The following BRINP1 variants were observed in gnomAD, a reference collection of about 807,000 sequenced individuals.
The protein encoded by BRINP1 is BMP/retinoic acid inducible neural specific 1.
Under a neutral mutation model 72.9 loss-of-function variants are expected in BRINP1, and 17 were observed. That is an observed-to-expected ratio of 0.23 (90% CI 0.16 to 0.35). The LOEUF is 0.35. Ranked by LOEUF, BRINP1 falls within the 10% of genes least tolerant of loss-of-function variation. The pLI is 1.00. For synonymous variants in BRINP1, 418 were observed against 378.5 expected (o/e 1.10, Z -1.21); for missense variants, 850 against 1,001.6 (o/e 0.85, Z 2.04).
At chr9:119,362,313 A>C (rs1231550392) in intron 1 of BRINP1, among the ~76,000 whole-genome samples, 1 of 152,132 alleles carries the variant, frequency 6.6e-6, no homozygotes, top group African/African-American at 2.4e-5. Flanking sequence ...TTCCGAATTA[A>C]TGGAGACAGA....
chr9:119,360,905 G>T (rs2119042393), intron 1 of BRINP1, among the ~76,000 whole-genome samples: 1 of 152,270 alleles, frequency 6.6e-6, no homozygotes, highest in East Asian at 1.9e-4. Flanking sequence ...ACACAAAAAT[G>T]GTTGCATGTT....
chr9:119,355,151 G>A (rs1002073888), intron 1 of BRINP1, among the ~76,000 whole-genome samples: 1 of 151,970 alleles, frequency 6.6e-6, no homozygotes, highest in African/African-American at 2.4e-5. Flanking sequence ...AGAAAATACA[G>A]GTAAGAATCA....
rs1221131 is a variant in BRINP1 at position 119,263,854 on chromosome 9, C to T, written c.219-14704G>A. Reference sequence around the variant, plus strand: ...CGATCTCCTGACCTTGTGATCCGCCCGCCTCGGCCTCCCAAAGTGCTGGGA... The same window carrying T: ...CGATCTCCTGACCTTGTGATCCGCCTGCCTCGGCCTCCCAAAGTGCTGGGA... On this transcript the variant is annotated intron_variant, in intron 2 of 7. Transcript: ENST00000265922. Among the ~76,000 whole-genome samples, 34 of 152,006 alleles carry T rather than the reference C, an allele frequency of 2.2e-4. No individual in the cohort carries two copies. The South Asian group carries it at 2.5e-3, about 11-fold the overall frequency.
chr9:119,307,711 C>T (rs1303552564), intron 2 of BRINP1, among the ~76,000 whole-genome samples: 2 of 152,176 alleles, frequency 1.3e-5, no homozygotes, highest in African/African-American at 2.4e-5. Context: ...TTAAGCAGAG[C>T]CCACAATTCC....
chr9:119,197,384 C>CT (rs1247578381), intron 7 of BRINP1, among the ~76,000 whole-genome samples: 2 of 152,152 alleles, frequency 1.3e-5, no homozygotes, highest in Non-Finnish European at 2.9e-5. Flanking sequence ...ATAGTAGAAC[C>CT]TTTTTGATAG....
chr9:119,213,576 CCA>C (rs957136478), intron 6 of BRINP1: 4 of 475,478 alleles, frequency 8.4e-6, no homozygotes, highest in Non-Finnish European at 1.1e-5. Context: ...ACACAAATAT[CCA>C]CACACACATA....
intron 7 of BRINP1, among the ~76,000 whole-genome samples, chr9:119,183,700 A>G (rs1829581507): frequency 6.6e-6 from 1 of 152,234 alleles, no homozygotes; most frequent in Non-Finnish European, 1.5e-5. Flanking sequence ...GCAAAACATG[A>G]CATTTTCATA....
In BRINP1 at chr9:119,167,324, C is replaced by T. The variant is rs1239159135; in HGVS notation, c.2046G>A (p.Gln682=). The stretch of plus-strand genomic sequence containing the variant: ...ACGAAGAGGAATAGAACTGGCCGCC[C>T]TGTGTGTAGGACTGGTTGACCTGCT... ...AVQQVNQSYT[Q]GGQFYSSSSV... is the part of the protein sequence containing the mutation. Residue 682 remains glutamine (Q), a synonymous_variant, in exon 8 of 8, where the codon CAG becomes CAA. Coordinates refer to ENST00000265922, the MANE Select transcript of BRINP1 (RefSeq NM_014618.3). The surrounding 1 kb of genome is among the most constrained non-coding windows in gnomAD (Gnocchi z 4.3). 8 of 1,614,168 alleles carry T rather than the reference C, an allele frequency of 5.0e-6. No individual in the cohort carries two copies. The South Asian group carries it at 8.8e-5, about 18-fold the overall frequency.
chr9:119,321,453 C>CT (rs1831186026), intron 1 of BRINP1, among the ~76,000 whole-genome samples: 3 of 152,262 alleles, frequency 2.0e-5, no homozygotes, highest in East Asian at 1.9e-4. Context: ...ATTTCAAAGA[C>CT]TTAGCAAGAA....
chr9:119,230,773 T>C (rs1324885351), intron 5 of BRINP1, among the ~76,000 whole-genome samples: 1 of 151,876 alleles, frequency 6.6e-6, no homozygotes, highest in African/African-American at 2.4e-5. Context: ...AGAAACCAGA[T>C]AGACCATTTG....
intron 1 of BRINP1, among the ~76,000 whole-genome samples, chr9:119,359,862 T>A (rs1252871403): frequency 6.6e-6 from 1 of 152,182 alleles, no homozygotes; most frequent in Non-Finnish European, 1.5e-5. Flanking sequence ...GCTTGGCACA[T>A]CCACTTTTCC....
chr9:119,268,201 T>C (rs568247), intron 2 of BRINP1, among the ~76,000 whole-genome samples: 134,426 of 151,882 alleles, frequency 0.89, 59,998 homozygotes, highest in East Asian at 0.99. Context: ...CAAGATCACA[T>C]CACTGCACTC....
chr9:119,171,201 A>C (rs1403916610), intron 7 of BRINP1, among the ~76,000 whole-genome samples: 2 of 149,586 alleles, frequency 1.3e-5, no homozygotes, highest in Non-Finnish European at 3.0e-5. Context: ...TGGATAAAGA[A>C]TCAAGACCCA....
At chr9:119,246,179 T>G (rs570567912) in intron 3 of BRINP1, among the ~76,000 whole-genome samples, 21 of 152,216 alleles carry the variant, frequency 1.4e-4, no homozygotes, top group Non-Finnish European at 3.1e-4. Context: ...AAGGTGACTG[T>G]GATGGTTAAT....
intron 1 of BRINP1, among the ~76,000 whole-genome samples, chr9:119,324,372 G>C (rs1389412969): frequency 6.6e-6 from 1 of 152,146 alleles, no homozygotes. Flanking sequence ...GTGATAACTT[G>C]GTGTTTTTAT....
intron 2 of BRINP1, among the ~76,000 whole-genome samples, chr9:119,291,094 G>T (rs1163253804): frequency 6.8e-6 from 1 of 146,448 alleles, no homozygotes; most frequent in Non-Finnish European, 1.5e-5. Context: ...CTGCACTCCA[G>T]CCAGGGCGAC....
intron 7 of BRINP1, 135 bp from the exon 8 acceptor site, chr9:119,168,359 G>A: frequency 3.1e-6 from 2 of 638,844 alleles, no homozygotes; most frequent in South Asian, 5.7e-5. Flanking sequence ...AATACAGGAA[G>A]GGCATCGAAT....
chr9:119,221,049 G>T (rs1830035666), intron 5 of BRINP1, among the ~76,000 whole-genome samples: 1 of 152,074 alleles, frequency 6.6e-6, no homozygotes, highest in Non-Finnish European at 1.5e-5. Flanking sequence ...TATTTCATTA[G>T]ATATTAAATA....
chr9:119,337,066 AC>A (rs1220934359), intron 1 of BRINP1, among the ~76,000 whole-genome samples: 1 of 152,104 alleles, frequency 6.6e-6, no homozygotes, highest in Non-Finnish European at 1.5e-5. Context: ...ATCTGACTGG[AC>A]CAGCCTCCTA....
Sources: allele counts gnomAD v4.1 joint callset (sites outside exome capture counted in the v4.1 genomes callset), GRCh38; gene constraint gnomAD v4.1.1; non-coding constraint Gnocchi (gnomAD v3.1); transcripts MANE v1.5; gene names NCBI Gene and HGNC (gene_info 2026-07-23, HGNC 2026-07-21).